The following KPNA3 variants were observed in gnomAD, a reference collection of about 807,000 sequenced individuals.
KPNA3 encodes the protein importin subunit alpha-4.
KPNA3 carries 13 observed loss-of-function variants against 73.8 expected under a neutral mutation model. The ratio of observed to expected loss-of-function variants is 0.18; its 90% confidence interval spans 0.11 to 0.28. KPNA3 has a LOEUF of 0.28. KPNA3 is among the 10% of genes least tolerant of loss of function. The probability of loss-of-function intolerance (pLI) is 1.00; values close to 1 mark genes in which losing one functional copy is unlikely to be tolerated. For synonymous variants in KPNA3, 186 were observed against 206.9 expected (o/e 0.90, Z 0.87); for missense variants, 360 against 618.1 (o/e 0.58, Z 4.43).
intron 1 of KPNA3, among the ~76,000 whole-genome samples, chr13:49,790,114 A>G (rs1253479591): frequency 6.6e-6 from 1 of 152,222 alleles, no homozygotes; most frequent in Admixed American, 6.5e-5. Flanking sequence ...TAGTGAATAA[A>G]TAATACCCAT....
At chr13:49,743,917 A>ATCT (rs1265477355) in intron 2 of KPNA3, among the ~76,000 whole-genome samples, 1 of 152,194 alleles carries the variant, frequency 6.6e-6, no homozygotes, top group East Asian at 1.9e-4. Context: ...ACTTAATTCC[A>ATCT]ATTTTACTTC....
chr13:49,725,770 T>C (rs991215677), intron 6 of KPNA3, among the ~76,000 whole-genome samples: 2 of 152,026 alleles, frequency 1.3e-5, no homozygotes, highest in Admixed American at 6.6e-5. Flanking sequence ...ACCTCCCAAG[T>C]AGCTGGGATT....
chr13:49,763,725 G>A (rs534535668), intron 1 of KPNA3, among the ~76,000 whole-genome samples: 1 of 152,182 alleles, frequency 6.6e-6, no homozygotes, highest in East Asian at 1.9e-4. Context: ...TCTGAGGTCA[G>A]GAGTTCAAGA....
chr13:49,730,134 T>G (rs1954448290), intron 6 of KPNA3, among the ~76,000 whole-genome samples: 2 of 152,216 alleles, frequency 1.3e-5, no homozygotes, highest in African/African-American at 4.8e-5. Context: ...TAGCATATTT[T>G]TCTGTATTAT....
At chr13:49,728,331 G>A (rs906790930) in intron 6 of KPNA3, among the ~76,000 whole-genome samples, 4 of 151,912 alleles carry the variant, frequency 2.6e-5, no homozygotes, top group Admixed American at 2.0e-4. Flanking sequence ...AATCTTGGTC[G>A]TGCCCTAACA....
chr13:49,746,506 C>T (rs1406192618), intron 2 of KPNA3, among the ~76,000 whole-genome samples: 2 of 152,084 alleles, frequency 1.3e-5, no homozygotes, highest in East Asian at 3.8e-4. Context: ...AAAACACAAT[C>T]TGATGAAGGT....
At chr13:49,761,388 A>G in intron 1 of KPNA3, among the ~76,000 whole-genome samples, 1 of 151,486 alleles carries the variant, frequency 6.6e-6, no homozygotes, top group East Asian at 1.9e-4. Flanking sequence ...GCAGGCGCAC[A>G]CCGCCACGCC....
At chr13:49,710,367 C>T (rs1406521688) in intron 11 of KPNA3, among the ~76,000 whole-genome samples, 4 of 152,048 alleles carry the variant, frequency 2.6e-5, no homozygotes, top group Admixed American at 2.0e-4. Context: ...GTGCCTACCC[C>T]TAATTAGAGT....
chr13:49,701,812 T>C lies in KPNA3; in HGVS notation c.1554A>G (p.Glu518=). The part of the protein sequence containing the change: ...FDPTANLQTK[E]FNF ...CACTCAACTGAATTTAAAAATTAAA[T>C]TCTTTTGTTTGAAGGTTGGCTGTTG... Residue 518 remains glutamate (E), a synonymous_variant, in exon 17 of 17, where the codon GAA becomes GAG. Coordinates refer to ENST00000261667, the MANE Select transcript of KPNA3 (RefSeq NM_002267.4). The C allele has an allele frequency of 6.2e-7, 1 of 1,603,430 alleles. No homozygotes were observed.
chr13:49,724,179 G>A (rs531173946), intron 7 of KPNA3, among the ~76,000 whole-genome samples: 6 of 152,136 alleles, frequency 3.9e-5, no homozygotes, highest in South Asian at 2.1e-4. Flanking sequence ...TCCACTCCTC[G>A]GTTAATGAAC....
At chr13:49,780,469 G>A (rs1954932297) in intron 1 of KPNA3, among the ~76,000 whole-genome samples, 1 of 152,002 alleles carries the variant, frequency 6.6e-6, no homozygotes, top group Non-Finnish European at 1.5e-5. Context: ...CCACCCATCT[G>A]AGACCTTGAG....
At chr13:49,714,885 C>T (rs1954291527) in intron 10 of KPNA3, among the ~76,000 whole-genome samples, 1 of 151,872 alleles carries the variant, frequency 6.6e-6, no homozygotes, top group African/African-American at 2.4e-5. Context: ...ATGTAAAAAT[C>T]TGAAATAAAA....
chr13:49,756,688 A>G (rs1251816163), intron 1 of KPNA3, among the ~76,000 whole-genome samples: 2 of 152,372 alleles, frequency 1.3e-5, no homozygotes, highest in East Asian at 3.8e-4. Flanking sequence ...TCCCAGCAAT[A>G]TATTTTGCAG....
Position 49,722,203 on chromosome 13 carries a change from G to A in KPNA3, c.557-79C>T. The A allele has an allele frequency of 3.1e-6, 3 of 967,372 alleles. No individual in the cohort carries two copies. The East Asian group carries it at 8.2e-5, about 26-fold the overall frequency. 59.9% of individuals were successfully genotyped at this position (967,372 alleles called of 1,614,324 possible). On this transcript the variant is annotated intron_variant, in intron 8 of 16. Coordinates refer to ENST00000261667, the MANE Select transcript of KPNA3 (RefSeq NM_002267.4). ...CTGAAATGTATGCAATGGCTCATGT[G>A]GGAACACTGACGTTCTATGTTTCCT...
chr13:49,701,390 T>C lies in KPNA3; in HGVS notation c.*410A>G. On this transcript the variant is annotated 3_prime_UTR_variant, in exon 17 of 17. Transcript: ENST00000261667. ...AGGCTCAGATCACACTGCACCTCTT[T>C]AGTCTTCCAACTTGTATATGCATCA... The C allele has an allele frequency of 2.4e-6, 1 of 415,192 alleles. No individual in the cohort carries two copies. The highest frequency in any genetic ancestry group is 5.0e-6 in the Non-Finnish European group (1 of 198,172). The allele number at this position is 415,192 out of a possible 1,614,324, so 25.7% of individuals were successfully genotyped here.
intron 1 of KPNA3, among the ~76,000 whole-genome samples, chr13:49,761,922 C>CCGG (rs1242693260): frequency 6.6e-6 from 1 of 151,302 alleles, no homozygotes; most frequent in Non-Finnish European, 1.5e-5. Context: ...GCGTCTCTGC[C>CCGG]CAGCCACCCC....
chr13:49,703,402 G>A (rs892911441), intron 15 of KPNA3, among the ~76,000 whole-genome samples: 21 of 151,230 alleles, frequency 1.4e-4, no homozygotes, highest in East Asian at 3.9e-4. Context: ...GGCTGGTCTC[G>A]AACTCCTGAC....
chr13:49,729,287 C>G (rs1264481150), intron 6 of KPNA3, among the ~76,000 whole-genome samples: 1 of 152,004 alleles, frequency 6.6e-6, no homozygotes, highest in Non-Finnish European at 1.5e-5. Flanking sequence ...AACAGTAAGA[C>G]AGTATATGTT....
chr13:49,707,305 G>C (rs1037590080), intron 12 of KPNA3, among the ~76,000 whole-genome samples: 3 of 152,128 alleles, frequency 2.0e-5, no homozygotes, highest in Admixed American at 2.0e-4. Flanking sequence ...AAATGAATTT[G>C]TTTTGCCATC....
Sources: gnomAD v4.1 joint callset for allele counts (sites outside exome capture counted in the v4.1 genomes callset) on GRCh38, gnomAD v4.1.1 for gene constraint, MANE v1.5 for transcripts, NCBI Gene and HGNC (gene_info 2026-07-23, HGNC 2026-07-21) for gene names.